The following NCKAP5 variants were observed in gnomAD, a reference collection of about 807,000 sequenced individuals.
The protein encoded by NCKAP5 is nck-associated protein 5.
Under a neutral mutation model 167.0 loss-of-function variants are expected in NCKAP5, and 92 were observed. The ratio of observed to expected loss-of-function variants is 0.55; its 90% confidence interval spans 0.47 to 0.66. NCKAP5 has a LOEUF of 0.66. NCKAP5 is among the 30% of genes least tolerant of loss of function. The pLI is 0.00. For missense variants in NCKAP5, 2,378 were observed against 2,315.0 expected, an observed-to-expected ratio of 1.03 and a Z score of -0.56; for synonymous variants, 891 against 877.4, an observed-to-expected ratio of 1.02 and a Z score of -0.27.
chr2:132,771,740 T>A (rs947109207), intron 16 of NCKAP5, among the ~76,000 whole-genome samples: 1 of 151,616 alleles, frequency 6.6e-6, no homozygotes, highest in Non-Finnish European at 1.5e-5. Flanking sequence ...TGGCATGATC[T>A]CGGCTCACTG....
chr2:132,815,479 T>C (rs1024889643), intron 11 of NCKAP5, among the ~76,000 whole-genome samples: 3 of 152,196 alleles, frequency 2.0e-5, no homozygotes, highest in Non-Finnish European at 4.4e-5. Context: ...ACTACAAATA[T>C]TGCTCCTCAA....
the NCKAP5 span, among the ~76,000 whole-genome samples, chr2:133,614,657 C>A: frequency 6.6e-6 from 1 of 152,122 alleles, no homozygotes; most frequent in African/African-American, 2.4e-5. Flanking sequence ...TGTGAAAAGA[C>A]CAAATCTACG....
chr2:133,527,923 G>A (rs1558757029), intron 2 of NCKAP5, among the ~76,000 whole-genome samples: 1 of 152,102 alleles, frequency 6.6e-6, no homozygotes, highest in Non-Finnish European at 1.5e-5. Context: ...AAACTAGCCA[G>A]ATGTGGTGGC....
chr2:132,702,933 C>G (rs1688015715), intron 19 of NCKAP5, among the ~76,000 whole-genome samples: 1 of 152,174 alleles, frequency 6.6e-6, no homozygotes, highest in African/African-American at 2.4e-5. Context: ...AATACCAGCA[C>G]TTTGGTAGGC....
intron 7 of NCKAP5, among the ~76,000 whole-genome samples, chr2:132,984,832 T>C (rs2077244652): frequency 6.6e-6 from 1 of 151,304 alleles, no homozygotes. Context: ...GTTCAAGGAC[T>C]GATATCATCG....
chr2:133,080,328 A>G (rs1024280430), intron 6 of NCKAP5, among the ~76,000 whole-genome samples: 8 of 152,170 alleles, frequency 5.3e-5, no homozygotes, highest in African/African-American at 1.9e-4. Flanking sequence ...TCTTCCTTGA[A>G]CTGGTGAACA....
chr2:132,778,106 T>C (rs977206585), intron 15 of NCKAP5, among the ~76,000 whole-genome samples: 1 of 152,142 alleles, frequency 6.6e-6, no homozygotes, highest in Non-Finnish European at 1.5e-5. Context: ...GCAAGTATAG[T>C]GTACCTCTTT....
At chr2:132,686,881 A>G (rs1004505215) in intron 19 of NCKAP5, among the ~76,000 whole-genome samples, 2 of 152,244 alleles carry the variant, frequency 1.3e-5, no homozygotes, top group African/African-American at 4.8e-5. Context: ...TTTGATTAAC[A>G]TAGTTTCAAG....
chr2:132,769,310 C>G (rs958225208), intron 16 of NCKAP5, among the ~76,000 whole-genome samples: 1 of 152,058 alleles, frequency 6.6e-6, no homozygotes, highest in African/African-American at 2.4e-5. Flanking sequence ...ACATGATTAC[C>G]CTTAACCACA....
chr2:133,385,428 G>A (rs1016274585), intron 3 of NCKAP5, among the ~76,000 whole-genome samples: 4 of 152,248 alleles, frequency 2.6e-5, no homozygotes, highest in Admixed American at 1.3e-4. Flanking sequence ...GCTGTCGGAT[G>A]TGCTGCTGGA....
At chr2:132,923,006 G>C (rs1361802534) in intron 8 of NCKAP5, among the ~76,000 whole-genome samples, 1 of 152,182 alleles carries the variant, frequency 6.6e-6, no homozygotes, top group African/African-American at 2.4e-5. Flanking sequence ...TCTTCTTTCA[G>C]TCCACCTTTT....
intron 3 of NCKAP5, among the ~76,000 whole-genome samples, chr2:133,459,176 T>A (rs1415567160): frequency 6.6e-6 from 1 of 152,166 alleles, no homozygotes; most frequent in Admixed American, 6.6e-5. Context: ...CTTAGCATTT[T>A]CCTTCACAAA....
At chr2:133,590,218 C>T in the NCKAP5 span, among the ~76,000 whole-genome samples, 98,966 of 151,840 alleles carry the variant, frequency 0.65, 33,527 homozygotes, top group East Asian at 0.94. Context: ...TGGCCGGGCG[C>T]GGTGGCTCAC....
At chr2:133,386,861 T>A (rs1430525415) in intron 3 of NCKAP5, among the ~76,000 whole-genome samples, 1 of 152,196 alleles carries the variant, frequency 6.6e-6, no homozygotes, top group African/African-American at 2.4e-5. Context: ...GAGACTAGGA[T>A]TGCAACCCCT....
At position 132,790,148 on chromosome 2, in the gene NCKAP5, G is replaced by A. The variant is rs749466074; in HGVS notation, c.967C>T (p.Pro323Ser). Residue 323 changes from proline to serine, a missense_variant, in exon 13 of 20, where the codon CCT (proline) becomes TCT (serine). Around this residue, in one of 3 missense-constraint regions of NCKAP5, gnomAD observed 1,049 missense variants for 1,023.4 expected, o/e 1.02. Coordinates refer to ENST00000409261, the MANE Select transcript of NCKAP5 (RefSeq NM_207363.3). The part of the protein sequence containing the change: ...LKCPGLGAVI[P>S]GHLCPRNSYS... ...CTGTTTCGAGGACAGAGATGACCAG[G>A]GATGACAGCCCCCAAGCCAGGGCAT... 1.2e-6 allele frequency: 2 copies of A among 1,613,670 alleles called. No individual in the cohort carries two copies. The highest frequency in any genetic ancestry group is 2.2e-5 in the South Asian group (2 of 90,980).
intron 3 of NCKAP5, among the ~76,000 whole-genome samples, chr2:133,495,637 CG>C (rs1418430542): frequency 6.6e-6 from 1 of 152,118 alleles, no homozygotes; most frequent in African/African-American, 2.4e-5. Flanking sequence ...CAAAAAGCTC[CG>C]AACTACTGAA....
At chr2:133,155,163 A>G (rs2083527907) in intron 5 of NCKAP5, among the ~76,000 whole-genome samples, 1 of 152,070 alleles carries the variant, frequency 6.6e-6, no homozygotes, top group African/African-American at 2.4e-5. Context: ...TGCCCTCATC[A>G]ATAATCTGTT....
In NCKAP5 at chr2:132,742,050, T is replaced by A. The variant is rs140834633; in HGVS notation, c.5129-9999A>T. Among the ~76,000 whole-genome samples, 9 of 152,212 alleles carry A rather than the reference T, an allele frequency of 5.9e-5. No homozygotes were observed. The East Asian group carries it at 1.5e-3, about 26-fold the overall frequency. On this transcript the variant is annotated intron_variant, in intron 16 of 19. Transcript: ENST00000409261. ...TTTCCCTTACAGAAGGTATAACATA[T>A]CAATCCTAAAAGATTATCTTTGCTT...
intron 11 of NCKAP5, among the ~76,000 whole-genome samples, chr2:132,856,845 T>C (rs1434149029): frequency 1.3e-5 from 2 of 152,206 alleles, no homozygotes; most frequent in African/African-American, 4.8e-5. Context: ...CTTACTCATT[T>C]ATGTTCCACG....
Sources: gnomAD v4.1 joint callset for allele counts (sites outside exome capture counted in the v4.1 genomes callset) on GRCh38, gnomAD v4.1.1 for gene constraint, gnomAD v4.1.1 regional missense constraint, MANE v1.5 for transcripts, NCBI Gene and HGNC (gene_info 2026-07-23, HGNC 2026-07-21) for gene names.